The following OTOA variants were observed in gnomAD, a reference collection of about 807,000 sequenced individuals.
OTOA encodes otoancorin.
In OTOA, 70 loss-of-function variants were observed where a neutral mutation model predicts 110.8. The ratio of observed to expected loss-of-function variants is 0.63; its 90% CI spans 0.52 to 0.77. OTOA has a LOEUF of 0.77. Ranked by LOEUF, OTOA falls within the 30% of genes least tolerant of loss-of-function variation. The pLI, the probability that OTOA is intolerant of heterozygous loss-of-function variation, is 0.00. For synonymous variants in OTOA, 373 were observed against 431.5 expected (o/e 0.86, Z 1.68); for missense variants, 917 against 1,075.8 (o/e 0.85, Z 2.06).
intron 22 of OTOA, among the ~76,000 whole-genome samples, chr16:21,737,426 T>TGAA: frequency 6.6e-6 from 1 of 152,284 alleles, no homozygotes; most frequent in Non-Finnish European, 1.5e-5. Context: ...GGTTTCACAA[T>TGAA]GTTGGCCAGG....
intron 1 of OTOA, among the ~76,000 whole-genome samples, chr16:21,668,785 A>G (rs971142348): frequency 2.0e-5 from 3 of 152,108 alleles, no homozygotes; most frequent in African/African-American, 7.2e-5. Flanking sequence ...ATCAGGATCC[A>G]AATAAAGTCT....
At chr16:21,756,581 A>T (rs536992875) in intron 27 of OTOA, among the ~76,000 whole-genome samples, 2 of 152,078 alleles carry the variant, frequency 1.3e-5, no homozygotes, top group African/African-American at 4.8e-5. Flanking sequence ...GACTTGAAGC[A>T]CTGGGAAGCT....
intron 9 of OTOA, 73 bp from the exon 10 acceptor site, chr16:21,697,702 T>G (rs1298703875): frequency 1.5e-6 from 2 of 1,326,092 alleles, no homozygotes; most frequent in African/African-American, 2.9e-5. Context: ...AAGATGCTGT[T>G]GACTATCACA....
intron 1 of OTOA, among the ~76,000 whole-genome samples, chr16:21,666,974 C>A (rs1966841343): frequency 1.3e-5 from 2 of 152,160 alleles, no homozygotes; most frequent in African/African-American, 2.4e-5. Flanking sequence ...CAAGAAGCCA[C>A]ATTGTCTGGG....
intron 22 of OTOA, among the ~76,000 whole-genome samples, chr16:21,739,521 G>C (rs1410629932): frequency 6.6e-6 from 1 of 152,312 alleles, no homozygotes; most frequent in Non-Finnish European, 1.5e-5. Context: ...ATGGGGCTCG[G>C]GAAATACCCT....
chr16:21,687,608 C>A lies in OTOA; in HGVS notation c.595C>A (p.Arg199=), dbSNP rs148114778. The A allele has an allele frequency of 2.5e-6, 4 of 1,612,752 alleles. No homozygotes were observed. Among genetic ancestry groups the A allele is most frequent in the Admixed American group, 3.3e-5 (2 of 59,886 alleles). Reference sequence around the variant, plus strand: ...CTTTCTCCAGCCAGACATCACAGAGCGGCTCCCTCGGGACCTGCGCGAGGA... The same window carrying A: ...CTTTCTCCAGCCAGACATCACAGAGAGGCTCCCTCGGGACCTGCGCGAGGA... The part of the protein sequence containing the change: ...GSFLQPDITE[R]LPRDLREDAF... Residue 199 remains arginine, a synonymous_variant, in exon 8 of 29, where the codon CGG becomes AGG. Transcript: ENST00000646100.
At chr16:21,676,134 G>A (rs1966857225) in intron 1 of OTOA, among the ~76,000 whole-genome samples, 1 of 152,106 alleles carries the variant, frequency 6.6e-6, no homozygotes, top group African/African-American at 2.4e-5. Context: ...GCCCAGGCTG[G>A]TCACAAACTC....
At chr16:21,705,496 G>A in intron 12 of OTOA, 1 of 767,662 alleles carries the variant, frequency 1.3e-6, no homozygotes, top group Non-Finnish European at 2.0e-6. Flanking sequence ...ACAGACCCTG[G>A]GGAGATCAAA....
intron 1 of OTOA, among the ~76,000 whole-genome samples, chr16:21,666,840 A>G (rs182081200): frequency 1.3e-5 from 2 of 152,280 alleles, no homozygotes; most frequent in East Asian, 3.9e-4. Flanking sequence ...AATGAAAACC[A>G]GATCCTGATG....
chr16:21,727,012 GTTTT>G (rs543449382), intron 19 of OTOA: 334 of 143,842 alleles, frequency 2.3e-3, no homozygotes, highest in Middle Eastern at 6.5e-3. Flanking sequence ...CCCCCTTAGA[GTTTT>G]TTTTTTTTTT....
chr16:21,695,881 A>AT (rs1897923230), intron 9 of OTOA, among the ~76,000 whole-genome samples: 2 of 40,634 alleles, frequency 4.9e-5, no homozygotes, highest in Non-Finnish European at 9.5e-5. Context: ...ATATATATAT[A>AT]TATATATATA....
intron 1 of OTOA, among the ~76,000 whole-genome samples, chr16:21,666,243 ATTTTT>A (rs61085785): frequency 2.3e-5 from 3 of 129,026 alleles, no homozygotes; most frequent in African/African-American, 8.8e-5. Flanking sequence ...ATGAAATGGC[ATTTTT>A]TTTTTTTTTT....
chr16:21,691,317 T>C (rs371612525), intron 8 of OTOA, among the ~76,000 whole-genome samples: 9 of 152,186 alleles, frequency 5.9e-5, no homozygotes, highest in African/African-American at 2.2e-4. Flanking sequence ...TTATAATCCT[T>C]TGGGTACATA....
Position 21,700,847 on chromosome 16 carries a change from C to T in OTOA, c.841-41C>T, listed in dbSNP as rs758897401. The T allele has an allele frequency of 6.2e-6, 10 of 1,612,842 alleles. No individual in the cohort carries two copies. The African/African-American group carries it at 6.7e-5, about 11-fold the overall frequency. ...GGGTGGGGCCACACTGGGCCACTTC[C>T]ACCCTCCTCACTGATATTCTCGTCC... On this transcript the variant is annotated intron_variant, in intron 10 of 28. Transcript: ENST00000646100.
intron 20 of OTOA, 116 bp downstream of exon 20, chr16:21,728,547 T>A: frequency 7.9e-7 from 1 of 1,267,814 alleles, no homozygotes; most frequent in African/African-American, 1.5e-5. Flanking sequence ...GATAAAATTC[T>A]TATGCTTATT....
At chr16:21,729,517 A>G (rs1159532952) in intron 20 of OTOA, 1 of 152,194 alleles carries the variant, frequency 6.6e-6, no homozygotes, top group Non-Finnish European at 1.5e-5. Context: ...GATTCTCATT[A>G]TCATCCATAG....
At chr16:21,691,135 G>A (rs1402524548) in intron 8 of OTOA, among the ~76,000 whole-genome samples, 2 of 152,020 alleles carry the variant, frequency 1.3e-5, no homozygotes, top group African/African-American at 4.8e-5. Context: ...TCCCTGCAAA[G>A]GACACGAACT....
At chr16:21,685,111 G>A in intron 6 of OTOA, 119 bp from the exon 7 acceptor site, 2 of 1,393,462 alleles carry the variant, frequency 1.4e-6, no homozygotes, top group Non-Finnish European at 2.0e-6. Context: ...CAGACTGCTG[G>A]CCACTAGTTG....
At chr16:21,676,848 C>A (rs1014789611) in intron 1 of OTOA, among the ~76,000 whole-genome samples, 4 of 152,138 alleles carry the variant, frequency 2.6e-5, no homozygotes, top group Non-Finnish European at 5.9e-5. Context: ...AGACTCCAGG[C>A]AGTGAGCAGG....
Sources: gnomAD v4.1 joint callset for allele counts (sites outside exome capture counted in the v4.1 genomes callset) on GRCh38, gnomAD v4.1.1 for gene constraint, MANE v1.5 for transcripts, NCBI Gene and HGNC (gene_info 2026-07-23, HGNC 2026-07-21) for gene names.